The following STEEP1 variants were observed in gnomAD, a reference collection of about 807,000 sequenced individuals.
STEEP1 encodes STING ER exit protein.
A neutral mutation model predicts 19.2 loss-of-function variants in STEEP1; 3 were observed. That is an observed-to-expected ratio of 0.16 (90% CI 0.07 to 0.40). The LOEUF (loss-of-function observed/expected upper bound fraction) is 0.40, where lower values mean the gene tolerates loss of function less well. Among genes scored for constraint, STEEP1 ranks in the 10% least tolerant of loss-of-function variants. The pLI is 0.99. For synonymous variants in STEEP1, 46 were observed against 63.7 expected (o/e 0.72, Z 1.32); for missense variants, 54 against 177.1 (o/e 0.30, Z 3.94).
intron 2 of STEEP1, among the ~76,000 whole-genome samples, chrX:119,546,047 T>A: frequency 9.0e-6 from 1 of 111,150 alleles, no homozygotes; most frequent in Non-Finnish European, 1.9e-5. Context: ...GTAGTCATAA[T>A]CATAGGTAGC....
In STEEP1 at chrX:119,560,390, A is replaced by C. The variant is rs1400066157; in HGVS notation, c.125-5T>G. ...GCAATTTCTCTAACTGGCAGTCTGA[A>C]GGAATGGAGAGATTTGGTCACTAGA... is the stretch of plus-strand genomic sequence containing the variant. On this transcript the variant is annotated splice_region_variant and splice_polypyrimidine_tract_variant and intron_variant, in intron 1 of 6. Coordinates refer to ENST00000644802, the MANE Select transcript of STEEP1 (RefSeq NM_022101.4). 1 of 1,150,501 alleles carries C rather than the reference A, an allele frequency of 8.7e-7. No homozygotes were observed. The allele number at this position is 1,150,501 out of a possible 1,213,427, so 94.8% of individuals were successfully genotyped here. A position where few individuals can be genotyped will look rare whatever the true frequency, so the allele number is the denominator to read the frequency against.
intron 2 of STEEP1, among the ~76,000 whole-genome samples, chrX:119,559,541 T>G (rs1462119486): frequency 1.8e-5 from 2 of 111,196 alleles, no homozygotes; most frequent in Non-Finnish European, 3.8e-5. Context: ...TCCCACCTGT[T>G]TTTCCTTTCG....
Sources: gnomAD v4.1 joint callset for allele counts (sites outside exome capture counted in the v4.1 genomes callset) on GRCh38, gnomAD v4.1.1 for gene constraint, MANE v1.5 for transcripts, NCBI Gene and HGNC (gene_info 2026-07-23, HGNC 2026-07-21) for gene names.